The following CRTAC1 variants were observed in gnomAD, a reference collection of about 807,000 sequenced individuals.
CRTAC1 encodes acidic secreted protein in cartilage.
CRTAC1 carries 37 observed loss-of-function variants against 67.8 expected under a neutral mutation model. The observed-to-expected ratio is 0.55, with a 90% CI of 0.42 to 0.72. The LOEUF is 0.72. Among genes scored for constraint, CRTAC1 ranks in the 30% least tolerant of loss-of-function variants. CRTAC1 has a pLI of 0.00. For missense variants in CRTAC1, 780 were observed against 931.6 expected, an observed-to-expected ratio of 0.84 and a Z score of 2.12; for synonymous variants, 348 against 371.0, an observed-to-expected ratio of 0.94 and a Z score of 0.71.
intron 9 of CRTAC1, 76 bp downstream of exon 9, chr10:97,896,833 T>TAC: frequency 4.4e-5 from 20 of 450,852 alleles, no homozygotes; most frequent in East Asian, 1.4e-4. Context: ...GGCTGCCCCG[T>TAC]CCCTCCCGCC....
chr10:97,981,172 T>C (rs1482217987), intron 2 of CRTAC1, among the ~76,000 whole-genome samples: 2 of 152,182 alleles, frequency 1.3e-5, no homozygotes, highest in Non-Finnish European at 1.5e-5. Context: ...TGTGACCCTA[T>C]GGATCCTATA....
chr10:97,947,602 T>C (rs1380014892), intron 2 of CRTAC1, among the ~76,000 whole-genome samples: 1 of 152,240 alleles, frequency 6.6e-6, no homozygotes, highest in Non-Finnish European at 1.5e-5. Flanking sequence ...ATGCAAAGCA[T>C]TCCCCAAATG....
chr10:97,880,405 G>A lies in CRTAC1; in HGVS notation c.1676-13C>T, dbSNP rs1353947658. ...CATTCATTGGTGTCTGCAAGGCGAG[G>A]GGAACCACTCACCATGAAGGTGTGG... is the stretch of plus-strand genomic sequence containing the variant. On this transcript the variant is annotated splice_polypyrimidine_tract_variant and intron_variant, in intron 13 of 14. Transcript: ENST00000370597. 1.9e-6 allele frequency: 3 copies of A among 1,611,240 alleles called. No individual in the cohort carries two copies. Among genetic ancestry groups the A allele is most frequent in the African/African-American group, 2.7e-5 (2 of 75,034 alleles).
intron 2 of CRTAC1, among the ~76,000 whole-genome samples, chr10:97,991,827 G>A (rs1419447148): frequency 1.3e-5 from 2 of 152,202 alleles, no homozygotes; most frequent in East Asian, 1.9e-4. Context: ...AATGTTAGGT[G>A]TGTTTAAAAG....
At chr10:97,877,073 A>G (rs1435529984) in intron 14 of CRTAC1, among the ~76,000 whole-genome samples, 2 of 143,434 alleles carry the variant, frequency 1.4e-5, no homozygotes, top group Non-Finnish European at 3.0e-5. Context: ...GGGGCAGGGG[A>G]CTTGTCCACC....
At chr10:97,945,792 G>T (rs2051254326) in intron 2 of CRTAC1, among the ~76,000 whole-genome samples, 1 of 152,178 alleles carries the variant, frequency 6.6e-6, no homozygotes, top group African/African-American at 2.4e-5. Flanking sequence ...AAAACCTTTT[G>T]TCCTAAGGGG....
intron 2 of CRTAC1, among the ~76,000 whole-genome samples, chr10:97,962,863 G>A (rs2051549226): frequency 1.4e-5 from 2 of 144,766 alleles, no homozygotes; most frequent in Non-Finnish European, 3.1e-5. Flanking sequence ...CATGCCAGGA[G>A]GAAAAGAATA....
At chr10:97,891,331 G>A (rs987469109) in intron 11 of CRTAC1, among the ~76,000 whole-genome samples, 25 of 152,208 alleles carry the variant, frequency 1.6e-4, no homozygotes, top group African/African-American at 5.8e-4. Context: ...CTTTGGACTG[G>A]ACCTTCCCAC....
chr10:98,009,883 G>C (rs945159864), intron 2 of CRTAC1, among the ~76,000 whole-genome samples: 1 of 152,148 alleles, frequency 6.6e-6, no homozygotes, highest in Non-Finnish European at 1.5e-5. Flanking sequence ...ACTTAGCAGA[G>C]AGCAAGTTGC....
intron 13 of CRTAC1, among the ~76,000 whole-genome samples, chr10:97,881,275 C>A (rs1246399959): frequency 6.6e-6 from 1 of 152,260 alleles, no homozygotes; most frequent in East Asian, 1.9e-4. Flanking sequence ...TCCTTCAACA[C>A]ACAAAGCCTT....
chr10:97,965,542 T>C (rs916748368), intron 2 of CRTAC1, among the ~76,000 whole-genome samples: 1 of 152,226 alleles, frequency 6.6e-6, no homozygotes, highest in Non-Finnish European at 1.5e-5. Flanking sequence ...TTTTCTTTCT[T>C]TCTTTCTTCT....
intron 11 of CRTAC1, among the ~76,000 whole-genome samples, chr10:97,892,684 G>T (rs540123842): frequency 6.6e-6 from 1 of 152,218 alleles, no homozygotes; most frequent in African/African-American, 2.4e-5. Flanking sequence ...CCCAGTGCCT[G>T]GCACATACTA....
intron 11 of CRTAC1, among the ~76,000 whole-genome samples, chr10:97,891,866 G>A (rs934049748): frequency 6.6e-6 from 1 of 152,246 alleles, no homozygotes; most frequent in African/African-American, 2.4e-5. Flanking sequence ...TGTGTCCCTG[G>A]CGGCTGGGTT....
At chr10:97,988,566 A>T (rs1338110201) in intron 2 of CRTAC1, among the ~76,000 whole-genome samples, 1 of 152,136 alleles carries the variant, frequency 6.6e-6, no homozygotes, top group Non-Finnish European at 1.5e-5. Flanking sequence ...CTAAAAATAT[A>T]AAAATTAGCC....
intron 2 of CRTAC1, among the ~76,000 whole-genome samples, chr10:97,951,445 A>G (rs1283480841): frequency 6.6e-6 from 1 of 152,238 alleles, no homozygotes; most frequent in Non-Finnish European, 1.5e-5. Flanking sequence ...ATCTACTAAA[A>G]GCGGTCATTC....
At chr10:97,923,025 C>T (rs553454371) in intron 4 of CRTAC1, among the ~76,000 whole-genome samples, 5 of 152,288 alleles carry the variant, frequency 3.3e-5, no homozygotes, top group African/African-American at 1.2e-4. Flanking sequence ...ACAAGTGTCC[C>T]GAGGACACAA....
At chr10:97,884,797 G>T (rs2050258801) in intron 11 of CRTAC1, among the ~76,000 whole-genome samples, 2 of 152,350 alleles carry the variant, frequency 1.3e-5, no homozygotes, top group African/African-American at 4.8e-5. Flanking sequence ...ATACAGTAAG[G>T]CCTGTGATAA....
At chr10:97,971,373 A>ATTT (rs1205600070) in intron 2 of CRTAC1, among the ~76,000 whole-genome samples, 3 of 152,232 alleles carry the variant, frequency 2.0e-5, no homozygotes, top group African/African-American at 7.2e-5. Flanking sequence ...AGCCTTGAGG[A>ATTT]CATTATGCTA....
chr10:97,931,043 C>T (rs1281238182), intron 3 of CRTAC1, among the ~76,000 whole-genome samples: 1 of 152,078 alleles, frequency 6.6e-6, no homozygotes, highest in African/African-American at 2.4e-5. Context: ...ATAATCAATA[C>T]AAAAATAGGC....
Sources: gnomAD v4.1 joint callset for allele counts (sites outside exome capture counted in the v4.1 genomes callset) on GRCh38, gnomAD v4.1.1 for gene constraint, MANE v1.5 for transcripts, NCBI Gene and HGNC (gene_info 2026-07-23, HGNC 2026-07-21) for gene names.